The following GBE1 variants were observed in gnomAD, a reference collection of about 807,000 sequenced individuals.
GBE1 encodes the protein 1,4-alpha-glucan-branching enzyme.
A neutral mutation model predicts 88.8 loss-of-function variants in GBE1; 70 were observed. The observed-to-expected ratio is 0.79, with a 90% CI of 0.65 to 0.96. The LOEUF (loss-of-function observed/expected upper bound fraction) is 0.96. Among genes scored for constraint, GBE1 ranks in the 40% least tolerant of loss-of-function variants. The pLI, the probability that GBE1 is intolerant of heterozygous loss-of-function variation, is 0.00. For missense variants in GBE1, 872 were observed against 871.0 expected (o/e 1.00, Z -0.01); for synonymous variants, 284 against 300.1 (o/e 0.95, Z 0.56).
Position 81,538,096 on chromosome 3 carries a change from G to C in GBE1, c.1619-1001C>G, listed in dbSNP as rs1468038828. Reference sequence around the variant, plus strand: ...CTTTCATGTGCTACAATTAATTATTGCTGTGATTTTCTAATTAGTGCTACA... The same window carrying C: ...CTTTCATGTGCTACAATTAATTATTCCTGTGATTTTCTAATTAGTGCTACA... On this transcript the variant is annotated intron_variant, in intron 12 of 15. Coordinates refer to ENST00000429644, the MANE Select transcript of GBE1 (RefSeq NM_000158.4). Among the ~76,000 whole-genome samples, 3 of 151,640 alleles carry C rather than the reference G, an allele frequency of 2.0e-5. No homozygotes were observed. The East Asian group carries it at 5.8e-4, about 29-fold the overall frequency.
intron 7 of GBE1, chr3:81,613,058 G>A: frequency 1.5e-6 from 1 of 682,864 alleles, no homozygotes; most frequent in Non-Finnish European, 2.2e-6. Flanking sequence ...AAAGAGAGGA[G>A]GATGAAGGAG....
intron 12 of GBE1, 135 bp downstream of exon 12, chr3:81,577,790 G>T: frequency 3.2e-6 from 2 of 631,338 alleles, no homozygotes; most frequent in South Asian, 2.5e-5. Context: ...CAATTTACAC[G>T]ACAGTATATG....
chr3:81,490,868 G>T (rs374087285), intron 15 of GBE1, among the ~76,000 whole-genome samples: 1 of 146,346 alleles, frequency 6.8e-6, no homozygotes, highest in African/African-American at 2.5e-5. Context: ...TTTTAATCTT[G>T]TTTTTTTTTT....
chr3:81,612,532 C>A, intron 7 of GBE1: 1 of 890,122 alleles, frequency 1.1e-6, no homozygotes, highest in Non-Finnish European at 1.8e-6. Context: ...TCTCCCCAAG[C>A]AGTGCGAACA....
At chr3:81,675,959 T>C (rs1048943339) in intron 2 of GBE1, among the ~76,000 whole-genome samples, 7 of 152,122 alleles carry the variant, frequency 4.6e-5, no homozygotes, top group African/African-American at 1.7e-4. Flanking sequence ...TTGAGATAAA[T>C]GTAAACAAAT....
intron 12 of GBE1, among the ~76,000 whole-genome samples, chr3:81,542,525 C>T (rs1703155661): frequency 6.6e-6 from 1 of 152,026 alleles, no homozygotes; most frequent in African/African-American, 2.4e-5. Flanking sequence ...AATTATATTT[C>T]TTAATGTATA....
chr3:81,652,663 T>C lies in GBE1; in HGVS notation c.430-2742A>G, dbSNP rs370346698. Reference sequence around the variant, plus strand: ...CTGGATTTTGCAAGTATTTTTGTTATAGTAACTTAGGTTTTACTTACTAGT... The same window carrying C: ...CTGGATTTTGCAAGTATTTTTGTTACAGTAACTTAGGTTTTACTTACTAGT... On this transcript the variant is annotated intron_variant, in intron 3 of 15. Transcript: ENST00000429644. Among the ~76,000 whole-genome samples, 427 of 152,364 alleles carry C rather than the reference T, an allele frequency of 2.8e-3. 4 individuals carry two copies. The South Asian group carries it at 0.03, about 11-fold the overall frequency.
At chr3:81,669,973 G>A (rs1163384271) in intron 3 of GBE1, among the ~76,000 whole-genome samples, 3 of 151,992 alleles carry the variant, frequency 2.0e-5, no homozygotes, top group African/African-American at 7.2e-5. Flanking sequence ...AGTTAATATT[G>A]TTAAATAACA....
Position 81,514,012 on chromosome 3 carries a change from A to G in GBE1, c.1935-14785T>C, listed in dbSNP as rs185415978. ...AACAAGAAATACCTATTACCTCTGG[A>G]GACCTTTGTTACATGAGCCAATGGG... is the stretch of plus-strand genomic sequence containing the variant. On this transcript the variant is annotated intron_variant, in intron 14 of 15. Coordinates refer to ENST00000429644, the MANE Select transcript of GBE1 (RefSeq NM_000158.4). Among the ~76,000 whole-genome samples the G allele has an allele frequency of 4.6e-5, 7 of 151,852 alleles. No homozygotes were observed. In the East Asian group the frequency reaches 1.2e-3, roughly 25 times the overall value.
rs551410816 is a variant in GBE1, at chr3:81,565,870, T to C, written c.1618+12055A>G. 6.6e-5 allele frequency among the ~76,000 whole-genome samples: 10 copies of C among 152,354 alleles called. No homozygotes were observed. The South Asian group carries it at 2.1e-3, about 32-fold the overall frequency. The stretch of plus-strand genomic sequence containing the variant: ...TATTGCCATGATTTTTGTTTGCATA[T>C]AAATCTATTTACATACATTTTGTAT... On this transcript the variant is annotated intron_variant, in intron 12 of 15. Transcript: ENST00000429644.
intron 1 of GBE1, among the ~76,000 whole-genome samples, chr3:81,711,479 G>A (rs992453477): frequency 5.9e-5 from 9 of 151,992 alleles, no homozygotes; most frequent in African/African-American, 1.9e-4. Context: ...TCTTGTTTTT[G>A]TCAGGGTCGT....
At chr3:81,603,405 TAAAC>T (rs1015923999) in intron 7 of GBE1, among the ~76,000 whole-genome samples, 33 of 152,138 alleles carry the variant, frequency 2.2e-4, no homozygotes, top group African/African-American at 7.2e-4. Flanking sequence ...AATCAGTATA[TAAAC>T]AGATAATCTC....
At chr3:81,515,710 G>A (rs1309840150) in intron 14 of GBE1, among the ~76,000 whole-genome samples, 6 of 151,610 alleles carry the variant, frequency 4.0e-5, no homozygotes, top group Admixed American at 1.3e-4. Flanking sequence ...AGTTGTGAAC[G>A]CAAAGGAAAA....
intron 2 of GBE1, among the ~76,000 whole-genome samples, chr3:81,702,108 T>A (rs201208601): frequency 0.22 from 3,430 of 15,390 alleles, 131 homozygotes; most frequent in African/African-American, 0.38. Context: ...AGAGAGTGTG[T>A]GTGTGTGTGT....
intron 14 of GBE1, among the ~76,000 whole-genome samples, chr3:81,513,344 A>G (rs900943807): frequency 4.0e-5 from 6 of 151,888 alleles, no homozygotes; most frequent in African/African-American, 1.4e-4. Context: ...CAGGGAACAG[A>G]AGAGTTTCAA....
chr3:81,761,381 TG>T lies in GBE1; in HGVS notation c.136del (p.Gln46SerfsTer11). On this transcript the variant is annotated frameshift_variant, in exon 1 of 16. Transcript: ENST00000429644. LOFTEE classifies it high-confidence loss of function. ...PYLKPYAVDF[Q>X]RRYKQFSQIL... Reference sequence around the variant, plus strand: ...GGTGGGATTCCGGCGGTACCTGCGCTGGAAGTCCACGGCGTAGGGCTTCAAG... The same window carrying T: ...GGTGGGATTCCGGCGGTACCTGCGCTGAAGTCCACGGCGTAGGGCTTCAAG... 6.2e-7 allele frequency: 1 copy of T among 1,607,688 alleles called. No homozygotes were observed. The highest frequency in any genetic ancestry group is 1.1e-5 in the South Asian group (1 of 90,978).
intron 7 of GBE1, among the ~76,000 whole-genome samples, chr3:81,609,440 A>C (rs923055556): frequency 6.6e-6 from 1 of 152,154 alleles, no homozygotes; most frequent in Admixed American, 6.6e-5. Flanking sequence ...AAAGCCAAAA[A>C]AAACTTTAAA....
intron 2 of GBE1, among the ~76,000 whole-genome samples, chr3:81,695,115 A>G (rs76187229): frequency 0.012 from 1,762 of 152,274 alleles, 11 homozygotes; most frequent in Non-Finnish European, 0.018. Flanking sequence ...AATCCCCTCA[A>G]CCTTCACTAG....
At chr3:81,654,534 A>G (rs1704902456) in intron 3 of GBE1, 1 of 152,200 alleles carries the variant, frequency 6.6e-6, no homozygotes, top group African/African-American at 2.4e-5. Flanking sequence ...TCTAGGCTTC[A>G]TGAAGGAAAG....
Sources: gnomAD v4.1 joint callset for allele counts (sites outside exome capture counted in the v4.1 genomes callset) on GRCh38, gnomAD v4.1.1 for gene constraint, MANE v1.5 for transcripts, NCBI Gene and HGNC (gene_info 2026-07-23, HGNC 2026-07-21) for gene names.